TOR1A: variants seen among roughly 807,000 people sequenced by gnomAD.
TOR1A encodes the protein torsin-1A.
In TOR1A, 18 loss-of-function variants were observed where a neutral mutation model predicts 31.4. The observed-to-expected ratio is 0.57, with a 90% CI of 0.40 to 0.85. TOR1A has a LOEUF of 0.85. Ranked by LOEUF, TOR1A falls within the 40% of genes least tolerant of loss-of-function variation. TOR1A has a pLI of 0.00. For missense variants in TOR1A, 375 were observed against 416.4 expected, an observed-to-expected ratio of 0.90 and a Z score of 0.87; for synonymous variants, 168 against 165.9, an observed-to-expected ratio of 1.01 and a Z score of -0.10.
In TOR1A at chr9:129,814,344, C is replaced by T. The variant is rs573105994; in HGVS notation, c.749-122G>A. ...CAAACGTCTACTGGGGGTCACCTAT[C>T]CATGCCACACACACCTACTGGGGGT... On this transcript the variant is annotated intron_variant, in intron 4 of 4. Coordinates refer to ENST00000351698, the MANE Select transcript of TOR1A (RefSeq NM_000113.3). 9.9e-5 allele frequency: 144 copies of T among 1,457,190 alleles called. 2 individuals carry two copies. In the South Asian group the frequency reaches 1.7e-3, roughly 17 times the overall value. 90.3% of individuals were successfully genotyped at this position (1,457,190 alleles called of 1,614,324 possible).
chr9:129,823,847 C>T (rs2031253723), intron 1 of TOR1A, 61 bp downstream of exon 1: 3 of 1,529,870 alleles, frequency 2.0e-6, no homozygotes, highest in South Asian at 1.2e-5. Flanking sequence ...CCTAGTTCAG[C>T]CCTAGTGCCA....
chr9:129,822,711 C>T lies in TOR1A; in HGVS notation c.314G>A (p.Gly105Asp). Residue 105 changes from glycine (G) to aspartate (D), a missense_variant, in exon 2 of 5, where the codon GGC becomes GAC. By Grantham distance (94) the Gly-to-Asp change is moderately conservative. Coordinates refer to ENST00000351698, the MANE Select transcript of TOR1A (RefSeq NM_000113.3). The part of the protein sequence containing the change: ...PLTLSLHGWT[G>D]TGKNFVSKII... ...CTTGCTGACGAAATTTTTGCCGGTG[C>T]CTGTCCACCCGTGCAGGGAGAGCGT... The T allele has an allele frequency of 6.2e-7, 1 of 1,614,168 alleles. No homozygotes were observed. Among genetic ancestry groups the T allele is most frequent in the Non-Finnish European group, 8.5e-7 (1 of 1,180,032 alleles).
intron 4 of TOR1A, among the ~76,000 whole-genome samples, chr9:129,814,798 G>C (rs557442502): frequency 6.6e-6 from 1 of 152,048 alleles, no homozygotes; most frequent in Non-Finnish European, 1.5e-5. Flanking sequence ...CCACGCCTCT[G>C]TATTTGGGAA....
At chr9:129,815,092 G>A (rs1227148779) in intron 4 of TOR1A, among the ~76,000 whole-genome samples, 1 of 152,190 alleles carries the variant, frequency 6.6e-6, no homozygotes, top group Non-Finnish European at 1.5e-5. Flanking sequence ...CACACACTGC[G>A]TCGCCCACGA....
chr9:129,819,764 A>T (rs2031135856), intron 2 of TOR1A, among the ~76,000 whole-genome samples: 1 of 150,528 alleles, frequency 6.6e-6, no homozygotes, highest in Admixed American at 6.6e-5. Context: ...TAAAAAAAAA[A>T]ATACAAAAAT....
intron 2 of TOR1A, chr9:129,822,250 A>G: frequency 2.7e-6 from 1 of 368,998 alleles, no homozygotes; most frequent in South Asian, 2.2e-5. Context: ...GGGTAAGAAG[A>G]GTGAAACTCC....
At chr9:129,823,053 C>A (rs1055685459) in intron 1 of TOR1A, among the ~76,000 whole-genome samples, 1 of 152,170 alleles carries the variant, frequency 6.6e-6, no homozygotes. Context: ...TATTCTAAAG[C>A]CCTGGCCCGA....
intron 2 of TOR1A, among the ~76,000 whole-genome samples, chr9:129,820,153 G>T (rs1321754257): frequency 2.0e-5 from 3 of 149,180 alleles, no homozygotes; most frequent in Non-Finnish European, 4.5e-5. Context: ...TGACAGTCTC[G>T]CTCTGTTACC....
At chr9:129,816,344 T>C (rs1447693710) in intron 4 of TOR1A, among the ~76,000 whole-genome samples, 1 of 152,124 alleles carries the variant, frequency 6.6e-6, no homozygotes, top group Non-Finnish European at 1.5e-5. Context: ...CCTTTCTTGA[T>C]TTTTTTCCCC....
chr9:129,823,885 C>CAA, intron 1 of TOR1A, 23 bp downstream of exon 1: 2 of 1,528,502 alleles, frequency 1.3e-6, no homozygotes, highest in Non-Finnish European at 1.8e-6. Context: ...CAGCCCCAGC[C>CAA]TCCAGCCCCC....
chr9:129,816,012 T>A (rs1285822623), intron 4 of TOR1A, among the ~76,000 whole-genome samples: 2 of 151,916 alleles, frequency 1.3e-5, no homozygotes, highest in African/African-American at 2.4e-5. Flanking sequence ...CCCAGGACCC[T>A]CCAGGCCTCT....
In TOR1A at chr9:129,818,813, C is replaced by T; in HGVS notation, c.552G>A (p.Lys184=). The T allele has an allele frequency of 6.2e-7, 1 of 1,613,836 alleles. No homozygotes were observed. Among genetic ancestry groups the T allele is most frequent in the Non-Finnish European group, 8.5e-7 (1 of 1,180,034 alleles). ...KMHAGLIDAI[K]PFLDYYDLVD... is the part of the protein sequence containing the mutation. ...CCAGGTCATAATAGTCGAGGAAAGG[C>T]TTGATGGCATCTATGAGGCCTGCAT... Residue 184 remains lysine (K), a synonymous_variant, in exon 3 of 5, where the codon AAG becomes AAA. Transcript: ENST00000351698.
chr9:129,818,762 G>T lies in TOR1A; in HGVS notation c.603C>A (p.Ala201=). ...DLVDGVSYQK[A]MFIFLSNAGA... is the part of the protein sequence containing the mutation. ...GACCTTACCTGAGAAATATGAACAT[G>T]GCTTTCTGGTAGGAGACCCCATCCA... Residue 201 remains alanine, a synonymous_variant, in exon 3 of 5, where the codon GCC becomes GCA. Transcript: ENST00000351698. 1 of 1,613,242 alleles carries T rather than the reference G, an allele frequency of 6.2e-7. No individual in the cohort carries two copies. Among genetic ancestry groups the T allele is most frequent in the Non-Finnish European group, 8.5e-7 (1 of 1,180,034 alleles).
chr9:129,817,613 G>A (rs1324645702), intron 4 of TOR1A, among the ~76,000 whole-genome samples: 1 of 151,406 alleles, frequency 6.6e-6, no homozygotes, highest in Admixed American at 6.6e-5. Flanking sequence ...GCAGGAGAAT[G>A]GTGTGAACCT....
intron 4 of TOR1A, among the ~76,000 whole-genome samples, chr9:129,816,713 C>T (rs1166292719): frequency 2.6e-5 from 4 of 152,226 alleles, no homozygotes; most frequent in East Asian, 1.9e-4. Flanking sequence ...ACCTCCACAG[C>T]GTGGATTCTA....
At chr9:129,818,968 A>G in intron 2 of TOR1A, 48 bp from the exon 3 acceptor site, 2 of 1,595,880 alleles carry the variant, frequency 1.3e-6, no homozygotes, top group Non-Finnish European at 1.7e-6. Context: ...AGCCAGGGCC[A>G]TCAATCAGCT....
chr9:129,823,502 G>GC, intron 1 of TOR1A: 1 of 52,220 alleles, frequency 1.9e-5, no homozygotes, highest in Non-Finnish European at 3.8e-5. Flanking sequence ...CCCAGCCCCA[G>GC]CCCCAGCCCC....
rs1450937439 is a variant in TOR1A at position 129,813,175 on chromosome 9, C to T, written c.*797G>A. The T allele has an allele frequency of 6.6e-6, 1 of 152,402 alleles. No individual in the cohort carries two copies. Among genetic ancestry groups the T allele is most frequent in the Non-Finnish European group, 1.5e-5 (1 of 68,196 alleles). 9.4% of individuals were successfully genotyped at this position (152,402 alleles called of 1,614,324 possible). A position where few individuals can be genotyped will look rare whatever the true frequency, so the allele number is the denominator to read the frequency against. Reference sequence around the variant, plus strand: ...ATTTGGAATGGACAGTGAAGGGCCACCTTTTGCAAAACGGAGTGACTGGCA... The same window carrying T: ...ATTTGGAATGGACAGTGAAGGGCCATCTTTTGCAAAACGGAGTGACTGGCA... On this transcript the variant is annotated 3_prime_UTR_variant, in exon 5 of 5. Transcript: ENST00000351698.
rs371849244 is a variant in TOR1A at position 129,823,994 on chromosome 9, G to A, written c.92C>T (p.Ala31Val). The stretch of plus-strand genomic sequence containing the variant: ...GTAGATGTAGCCGGTGAGGACGCCG[G>A]CCAGGGCCAGTCCCAGGCTGATGGG... Reference protein sequence around the residue: ...VEPISLGLALAGVLTGYIYPR... With the variant: ...VEPISLGLALVGVLTGYIYPR... Residue 31 changes from alanine (A) to valine (V), a missense_variant, in exon 1 of 5, where the codon GCC (alanine) becomes GTC (valine). Transcript: ENST00000351698. 8.1e-6 allele frequency: 13 copies of A among 1,611,116 alleles called. No homozygotes were observed. Among genetic ancestry groups the A allele is most frequent in the Non-Finnish European group, 1.1e-5 (13 of 1,179,494 alleles).
Sources: gnomAD v4.1 joint callset for allele counts (sites outside exome capture counted in the v4.1 genomes callset) on GRCh38, gnomAD v4.1.1 for gene constraint, MANE v1.5 for transcripts, NCBI Gene and HGNC (gene_info 2026-07-23, HGNC 2026-07-21) for gene names.